PRKN: variants seen among roughly 807,000 people sequenced by gnomAD.
PRKN encodes parkin RBR E3 ubiquitin protein ligase, also known as E3 ubiquitin-protein ligase parkin.
In PRKN, 56 loss-of-function variants were observed where a neutral mutation model predicts 59.5. That is an observed-to-expected ratio of 0.94 (90% confidence interval 0.76 to 1.18). The LOEUF is 1.18. PRKN is among the 50% of genes most tolerant of loss of function. PRKN has a pLI of 0.00. For missense variants in PRKN, 657 were observed against 596.4 expected (o/e 1.10, Z -1.06); for synonymous variants, 250 against 222.1 (o/e 1.13, Z -1.12).
rs1786357911 is a variant in PRKN at position 161,388,343 on chromosome 6, C to A, written c.1084-1466G>T. Among the ~76,000 whole-genome samples, 1 of 152,188 alleles carries A rather than the reference C, an allele frequency of 6.6e-6. No homozygotes were observed. The highest frequency in any genetic ancestry group is 2.4e-5 in the African/African-American group (1 of 41,456). On this transcript the variant is annotated intron_variant, in intron 9 of 11. Transcript: ENST00000366898. This position sits in a 1 kb window ranked among gnomAD's most constrained non-coding sequence, Gnocchi z 4.3. Reference sequence around the variant, plus strand: ...GTTCTAAACTTTAAGGAGATAAGAACAACAGGGACTATTTTGCCCCTACTC... The same window carrying A: ...GTTCTAAACTTTAAGGAGATAAGAAAAACAGGGACTATTTTGCCCCTACTC...
At chr6:161,769,423 G>A (rs182430381) in intron 7 of PRKN, among the ~76,000 whole-genome samples, 1 of 152,210 alleles carries the variant, frequency 6.6e-6, no homozygotes, top group Admixed American at 6.5e-5. Context: ...CTGAGTACAG[G>A]GTCCTCACTT....
At position 161,503,008 on chromosome 6, in the gene PRKN, A is replaced by T. The variant is rs1778020793; in HGVS notation, c.1083+45846T>A. 6.6e-6 allele frequency among the ~76,000 whole-genome samples: 1 copy of T among 152,228 alleles called. No individual in the cohort carries two copies. Among genetic ancestry groups the T allele is most frequent in the Non-Finnish European group, 1.5e-5 (1 of 68,040 alleles). ...GTTAGATGATACATATCCAATGTTA[A>T]GCACCATGTCTGATAGAAACTTCTT... is the stretch of plus-strand genomic sequence containing the variant. On this transcript the variant is annotated intron_variant, in intron 9 of 11. Coordinates refer to ENST00000366898, the MANE Select transcript of PRKN (RefSeq NM_004562.3). This position sits in a 1 kb window ranked among gnomAD's most constrained non-coding sequence, Gnocchi z 5.1.
At chr6:161,968,058 T>A (rs907932307) in intron 6 of PRKN, among the ~76,000 whole-genome samples, 3 of 152,086 alleles carry the variant, frequency 2.0e-5, no homozygotes, top group African/African-American at 4.8e-5. Flanking sequence ...TTTCACTCTG[T>A]CACCCAGGCT....
At chr6:162,398,393 TTG>T (rs1391871991) in intron 2 of PRKN, among the ~76,000 whole-genome samples, 7 of 96,612 alleles carry the variant, frequency 7.2e-5, no homozygotes, top group African/African-American at 4.6e-4. Context: ...CTTTCTCTTT[TTG>T]TTTTTTTTTT....
chr6:161,795,034 AC>A (rs1790783809), intron 6 of PRKN, among the ~76,000 whole-genome samples: 1 of 148,200 alleles, frequency 6.7e-6, no homozygotes, highest in East Asian at 2.1e-4. Context: ...ACAGGCACCC[AC>A]CACCACACCC....
intron 1 of PRKN, among the ~76,000 whole-genome samples, chr6:162,486,010 T>G (rs1013412105): frequency 6.6e-6 from 1 of 152,212 alleles, no homozygotes; most frequent in South Asian, 2.1e-4. Context: ...ATATCTGACA[T>G]TAAGAGGGGT....
In PRKN at chr6:162,443,439, T is replaced by C. The variant is rs1790160331; in HGVS notation, c.42A>G (p.Pro14=). ...FVRFNSSHGF[P]VEVDSDTSIF... Reference sequence around the variant, plus strand: ...TGCTGGTGTCAGAATCGACCTCCACTGGGAAACCATGGCTGGAGTTGAACC... The same window carrying C: ...TGCTGGTGTCAGAATCGACCTCCACCGGGAAACCATGGCTGGAGTTGAACC... Residue 14 remains proline (P), a synonymous_variant, in exon 2 of 12, where the codon CCA becomes CCG. Coordinates refer to ENST00000366898, the MANE Select transcript of PRKN (RefSeq NM_004562.3). 1 of 1,614,014 alleles carries C rather than the reference T, an allele frequency of 6.2e-7. No homozygotes were observed. The highest frequency in any genetic ancestry group is 2.2e-5 in the East Asian group (1 of 44,848).
At chr6:162,208,907 G>A (rs1356072928) in intron 3 of PRKN, among the ~76,000 whole-genome samples, 1 of 152,128 alleles carries the variant, frequency 6.6e-6, no homozygotes, top group Non-Finnish European at 1.5e-5. Flanking sequence ...GTAGAAAGCT[G>A]AAACTGGATC....
intron 2 of PRKN, among the ~76,000 whole-genome samples, chr6:162,378,097 A>G (rs1453755647): frequency 1.3e-5 from 2 of 152,178 alleles, no homozygotes. Context: ...AAATCAAGCT[A>G]GGTTTACAAA....
At chr6:161,983,744 T>G (rs1232666021) in intron 5 of PRKN, among the ~76,000 whole-genome samples, 1 of 86,936 alleles carries the variant, frequency 1.2e-5, no homozygotes, top group East Asian at 3.0e-4. Flanking sequence ...TATCACACTC[T>G]GGGGACTGTG....
At chr6:162,309,058 T>G (rs1260010716) in intron 2 of PRKN, among the ~76,000 whole-genome samples, 1 of 152,128 alleles carries the variant, frequency 6.6e-6, no homozygotes, top group African/African-American at 2.4e-5. Flanking sequence ...GAGACTGGCT[T>G]CAGAAGTCAG....
chr6:162,725,879 A>C lies in PRKN; in HGVS notation c.7+1783T>G, dbSNP rs116786038. Reference sequence around the variant, plus strand: ...ATCTTATATGTAAGGCACATTTCCTAGGGAAAGCAGGCATGGATTTAATCA... The same window carrying C: ...ATCTTATATGTAAGGCACATTTCCTCGGGAAAGCAGGCATGGATTTAATCA... On this transcript the variant is annotated intron_variant, in intron 1 of 11. Coordinates refer to ENST00000366898, the MANE Select transcript of PRKN (RefSeq NM_004562.3). Among the ~76,000 whole-genome samples, 753 of 152,174 alleles carry C rather than the reference A, an allele frequency of 4.9e-3. 12 individuals are homozygous for C. Among genetic ancestry groups the C allele is most frequent in the African/African-American group, 0.018 (730 of 41,510 alleles).
chr6:162,158,868 C>T lies in PRKN; in HGVS notation c.534+42263G>A, dbSNP rs1051873420. Among the ~76,000 whole-genome samples the T allele has an allele frequency of 2.3e-4, 35 of 152,104 alleles. 1 individual carries two copies. The highest frequency in any genetic ancestry group is 8.0e-4 in the African/African-American group (33 of 41,392). The stretch of plus-strand genomic sequence containing the variant: ...GTATGAGCAGTCTCTAGTCCATATT[C>T]CACCCCTGTAGCTAGTGCGCCCATG... On this transcript the variant is annotated intron_variant, in intron 4 of 11. Coordinates refer to ENST00000366898, the MANE Select transcript of PRKN (RefSeq NM_004562.3).
intron 6 of PRKN, among the ~76,000 whole-genome samples, chr6:161,838,104 C>G (rs1477319385): frequency 6.6e-6 from 1 of 152,200 alleles, no homozygotes; most frequent in Non-Finnish European, 1.5e-5. Flanking sequence ...GCTTTTGTTA[C>G]ATGACTGCTA....
rs905241614 is a variant in PRKN, at chr6:161,579,268, G to A, written c.872-9852C>T. On this transcript the variant is annotated intron_variant, in intron 7 of 11. Transcript: ENST00000366898. The surrounding 1 kb of genome is among the most constrained non-coding windows in gnomAD (Gnocchi z 4.2). ...AACGTTGGGGGAAAGAGAATCTGTG[G>A]GACTGTCATCCCCCAAGTGGGTGTA... Among the ~76,000 whole-genome samples, 2 of 152,122 alleles carry A rather than the reference G, an allele frequency of 1.3e-5. No homozygotes were observed. Among genetic ancestry groups the A allele is most frequent in the African/African-American group, 4.8e-5 (2 of 41,406 alleles).
Position 161,446,989 on chromosome 6 carries a change from TC to T in PRKN, c.1084-60113del, listed in dbSNP as rs1032141309. ...CCCAGGTGAAAAAGTGGGCTTTTTT[TC>T]CCCCTTAAGGCTAAATAGGATTTCT... On this transcript the variant is annotated intron_variant, in intron 9 of 11. Transcript: ENST00000366898. This position sits in a 1 kb window ranked among gnomAD's most constrained non-coding sequence, Gnocchi z 6.2. Among the ~76,000 whole-genome samples, 8 of 152,190 alleles carry T rather than the reference TC, an allele frequency of 5.3e-5. No homozygotes were observed. Among genetic ancestry groups the T allele is most frequent in the African/African-American group, 1.7e-4 (7 of 41,450 alleles).
chr6:162,156,791 C>A (rs888667298), intron 4 of PRKN, among the ~76,000 whole-genome samples: 4 of 152,100 alleles, frequency 2.6e-5, no homozygotes, highest in African/African-American at 9.7e-5. Flanking sequence ...TTAACCATCA[C>A]CCTTGATTAG....
At chr6:162,074,534 A>C (rs1194144277) in intron 4 of PRKN, among the ~76,000 whole-genome samples, 1 of 151,820 alleles carries the variant, frequency 6.6e-6, no homozygotes, top group Non-Finnish European at 1.5e-5. Context: ...ATGCTAGATG[A>C]CGAGTTAGTG....
rs1779291833 is a variant in PRKN, at chr6:161,533,355, C to CAA, written c.1083+15497_1083+15498dup. Among the ~76,000 whole-genome samples the CAA allele has an allele frequency of 6.6e-6, 1 of 152,108 alleles. No individual in the cohort carries two copies. The highest frequency in any genetic ancestry group is 6.6e-5 in the Admixed American group (1 of 15,264). On this transcript the variant is annotated intron_variant, in intron 9 of 11. Transcript: ENST00000366898. The surrounding 1 kb of genome is among the most constrained non-coding windows in gnomAD (Gnocchi z 4.1). ...GCCCCCAAATCATTTTCTTTTCCAA[C>CAA]AAAGAGCAGCCTGTAAAATCGACCT... is the stretch of plus-strand genomic sequence containing the variant.
Sources: gnomAD v4.1 joint callset for allele counts (sites outside exome capture counted in the v4.1 genomes callset) on GRCh38, gnomAD v4.1.1 for gene constraint, Gnocchi (gnomAD v3.1) non-coding constraint, MANE v1.5 for transcripts, NCBI Gene and HGNC (gene_info 2026-07-23, HGNC 2026-07-21) for gene names.